Variants in LINGO2 observed in about 807,000 individuals in gnomAD.
LINGO2 encodes leucine rich repeat and Ig domain containing 2.
LINGO2 carries 14 observed loss-of-function variants against 30.6 expected under a neutral mutation model. That is an observed-to-expected ratio of 0.46 (90% CI 0.30 to 0.72). LINGO2 has a LOEUF of 0.72. Among genes scored for constraint, LINGO2 ranks in the 30% least tolerant of loss-of-function variants. The pLI, the probability that LINGO2 is intolerant of heterozygous loss-of-function variation, is 0.07. For missense variants in LINGO2, 729 were observed against 751.7 expected (o/e 0.97, Z 0.35); for synonymous variants, 317 against 288.5 (o/e 1.10, Z -1.00).
the LINGO2 span, among the ~76,000 whole-genome samples, chr9:28,955,063 T>A: frequency 4.0e-5 from 6 of 151,424 alleles, no homozygotes; most frequent in South Asian, 1.0e-3. Context: ...AGAAGACCCA[T>A]GAAGTTATAG....
the LINGO2 span, among the ~76,000 whole-genome samples, chr9:29,055,477 C>G: frequency 6.6e-6 from 1 of 152,150 alleles, no homozygotes; most frequent in Non-Finnish European, 1.5e-5. Context: ...GTTATGCCAA[C>G]ATTTTGGCTA....
the LINGO2 span, among the ~76,000 whole-genome samples, chr9:28,956,678 CCTTT>C: frequency 3.8e-5 from 4 of 104,814 alleles, no homozygotes; most frequent in Non-Finnish European, 7.8e-5. Flanking sequence ...TCCCTCCCTT[CCTTT>C]CTTCCTTCCT....
the LINGO2 span, among the ~76,000 whole-genome samples, chr9:28,887,278 T>C: frequency 6.6e-6 from 1 of 152,048 alleles, no homozygotes; most frequent in Non-Finnish European, 1.5e-5. Flanking sequence ...TGAAAGGATT[T>C]TTTTTTCTCT....
At chr9:28,932,847 T>C in the LINGO2 span, among the ~76,000 whole-genome samples, 1 of 152,106 alleles carries the variant, frequency 6.6e-6, no homozygotes, top group Non-Finnish European at 1.5e-5. Flanking sequence ...TTACTACGCT[T>C]ATATATAATT....
chr9:28,714,938 CAA>C, the LINGO2 span, among the ~76,000 whole-genome samples: 1 of 152,044 alleles, frequency 6.6e-6, no homozygotes, highest in Non-Finnish European at 1.5e-5. Flanking sequence ...GTGATATTTA[CAA>C]AAGAGTGAAT....
chr9:28,812,194 G>A, the LINGO2 span, among the ~76,000 whole-genome samples: 1 of 151,954 alleles, frequency 6.6e-6, no homozygotes, highest in Admixed American at 6.6e-5. Flanking sequence ...CTAAAGAGAG[G>A]AGAAGGGCTA....
intron 3 of LINGO2, among the ~76,000 whole-genome samples, chr9:28,348,101 G>A (rs1196283726): frequency 1.3e-5 from 2 of 152,124 alleles, no homozygotes; most frequent in Non-Finnish European, 2.9e-5. Context: ...GTAATCTAAT[G>A]AAGAAATATT....
At chr9:29,136,508 T>TTAC in the LINGO2 span, among the ~76,000 whole-genome samples, 1 of 152,196 alleles carries the variant, frequency 6.6e-6, no homozygotes, top group Non-Finnish European at 1.5e-5. Flanking sequence ...AATATTTTTA[T>TTAC]TACCTGACTC....
At chr9:28,655,092 C>T (rs992115834) in intron 1 of LINGO2, among the ~76,000 whole-genome samples, 2 of 152,082 alleles carry the variant, frequency 1.3e-5, no homozygotes, top group African/African-American at 4.8e-5. Flanking sequence ...ACCCAAATCT[C>T]ATCCTGAAGG....
At chr9:28,233,062 T>TCAAC (rs1821427581) in intron 4 of LINGO2, among the ~76,000 whole-genome samples, 1 of 45,428 alleles carries the variant, frequency 2.2e-5, no homozygotes, top group Non-Finnish European at 3.9e-5. Flanking sequence ...ATATATATAT[T>TCAAC]AGATATATAA....
the LINGO2 span, among the ~76,000 whole-genome samples, chr9:28,988,915 T>G: frequency 6.6e-6 from 1 of 152,236 alleles, no homozygotes; most frequent in Non-Finnish European, 1.5e-5. Context: ...TTTTCAAAAC[T>G]ATGTTCTGGT....
At chr9:29,048,219 T>A in the LINGO2 span, among the ~76,000 whole-genome samples, 3 of 151,854 alleles carry the variant, frequency 2.0e-5, no homozygotes, top group Admixed American at 2.0e-4. Context: ...CCATTTACAA[T>A]AGCCACACAT....
At chr9:28,937,335 A>G in the LINGO2 span, among the ~76,000 whole-genome samples, 16 of 152,294 alleles carry the variant, frequency 1.1e-4, no homozygotes, top group East Asian at 3.1e-3. Context: ...TTCTCCTGCT[A>G]TGAACCTGCG....
the LINGO2 span, among the ~76,000 whole-genome samples, chr9:28,878,239 A>C: frequency 6.6e-6 from 1 of 152,168 alleles, no homozygotes; most frequent in Non-Finnish European, 1.5e-5. Flanking sequence ...AAAATCTAGA[A>C]GAAATGGATA....
At chr9:28,646,201 A>G (rs182437989) in intron 1 of LINGO2, among the ~76,000 whole-genome samples, 38 of 152,202 alleles carry the variant, frequency 2.5e-4, no homozygotes, top group African/African-American at 9.2e-4. Flanking sequence ...GTTATTTTCC[A>G]TGTAAGAAAA....
At chr9:27,964,250 TA>T (rs1308961565) in intron 5 of LINGO2, among the ~76,000 whole-genome samples, 12 of 152,100 alleles carry the variant, frequency 7.9e-5, no homozygotes, top group African/African-American at 2.9e-4. Context: ...TATTATAACA[TA>T]TTTTTTTCTA....
In LINGO2 at chr9:28,135,856, T is replaced by C. The variant is rs10968351; in HGVS notation, c.-86-123451A>G. ...CTCTTCCATTATCCTGTTTACTTCC[T>C]TCACAGCCCTTATCTCAAACACAAC... On this transcript the variant is annotated intron_variant, in intron 4 of 5. Transcript: ENST00000379992. 3.0e-4 allele frequency among the ~76,000 whole-genome samples: 46 copies of C among 152,312 alleles called. No individual in the cohort carries two copies. The East Asian group carries it at 8.5e-3, about 28-fold the overall frequency.
At chr9:27,973,189 T>C (rs573509233) in intron 5 of LINGO2, among the ~76,000 whole-genome samples, 1 of 152,296 alleles carries the variant, frequency 6.6e-6, no homozygotes, top group East Asian at 1.9e-4. Flanking sequence ...CATCCACATC[T>C]TATTGATTCT....
At chr9:29,206,436 T>C in the LINGO2 span, among the ~76,000 whole-genome samples, 1 of 152,204 alleles carries the variant, frequency 6.6e-6, no homozygotes, top group Non-Finnish European at 1.5e-5. Flanking sequence ...GTTTTCATCT[T>C]TGTCCCAACT....
Sources: allele counts gnomAD v4.1 joint callset (sites outside exome capture counted in the v4.1 genomes callset), GRCh38; gene constraint gnomAD v4.1.1; transcripts MANE v1.5; gene names NCBI Gene and HGNC (gene_info 2026-07-23, HGNC 2026-07-21).